The following STPG2 variants were observed in gnomAD, a reference collection of about 807,000 sequenced individuals.
STPG2 encodes sperm tail PG-rich repeat containing 2, also known as sperm-tail PG-rich repeat-containing protein 2.
In STPG2, 56 loss-of-function variants were observed where a neutral mutation model predicts 54.2. The ratio of observed to expected loss-of-function variants is 1.03; its 90% CI spans 0.83 to 1.29. The LOEUF is 1.29. Among genes scored for constraint, STPG2 ranks in the 50% most tolerant of loss-of-function variants. The pLI is 0.00. For missense variants in STPG2, 596 were observed against 544.9 expected, an observed-to-expected ratio of 1.09 and a Z score of -0.93; for synonymous variants, 200 against 181.8, an observed-to-expected ratio of 1.10 and a Z score of -0.81.
At position 98,114,759 on chromosome 4, in the gene STPG2, T is replaced by G. The variant is rs1416024258; in HGVS notation, c.388-5454A>C. Among the ~76,000 whole-genome samples the G allele has an allele frequency of 9.9e-3, 667 of 67,562 alleles. 18 individuals are homozygous for G. Among genetic ancestry groups the G allele is most frequent in the East Asian group, 0.067 (233 of 3,458 alleles). 44.3% of individuals were successfully genotyped at this position (67,562 alleles called of 152,430 possible). On this transcript the variant is annotated intron_variant, in intron 3 of 10. Coordinates refer to ENST00000295268, the MANE Select transcript of STPG2 (RefSeq NM_174952.3). ...AGACCCCACAATAATATCCATTTTT[T>G]TTTTTTTGTGTGTGTGTGTGTGTGT...
intron 10 of STPG2, among the ~76,000 whole-genome samples, chr4:97,615,420 A>C (rs532557686): frequency 6.6e-6 from 1 of 152,172 alleles, no homozygotes; most frequent in South Asian, 2.1e-4. Context: ...TTTTTCATTT[A>C]CTAATCTTTC....
chr4:97,680,001 C>A (rs1215705534), intron 10 of STPG2, among the ~76,000 whole-genome samples: 1 of 152,034 alleles, frequency 6.6e-6, no homozygotes, highest in Non-Finnish European at 1.5e-5. Context: ...TGTTTTGGTA[C>A]CAGTGCCATG....
intron 2 of STPG2, 31 bp from the exon 3 acceptor site, chr4:98,128,623 C>A: frequency 2.7e-6 from 4 of 1,495,452 alleles, no homozygotes; most frequent in South Asian, 1.4e-5. Flanking sequence ...ATTATTTATT[C>A]CAAGGCAAGA....
At chr4:97,715,163 C>T (rs1724248012) in intron 9 of STPG2, among the ~76,000 whole-genome samples, 1 of 152,164 alleles carries the variant, frequency 6.6e-6, no homozygotes, top group Non-Finnish European at 1.5e-5. Context: ...TCTTGAAATA[C>T]ATTTTCAATT....
chr4:98,013,415 G>C (rs1735820999), intron 5 of STPG2, among the ~76,000 whole-genome samples: 1 of 151,888 alleles, frequency 6.6e-6, no homozygotes, highest in Admixed American at 6.6e-5. Context: ...TTTCTTTTTT[G>C]TTGTGTCTCC....
intron 5 of STPG2, among the ~76,000 whole-genome samples, chr4:98,079,688 G>A (rs11722272): frequency 0.4 from 60,118 of 151,532 alleles, 12,144 homozygotes; most frequent in Middle Eastern, 0.46. Flanking sequence ...CCACTGACTG[G>A]CCCACAAGAT....
intron 9 of STPG2, among the ~76,000 whole-genome samples, chr4:97,790,545 A>G (rs1024432482): frequency 2.0e-5 from 3 of 152,260 alleles, no homozygotes; most frequent in African/African-American, 7.2e-5. Context: ...ATGAAGACAT[A>G]GGAGCCCTAA....
At chr4:97,798,185 A>G (rs143274523) in intron 9 of STPG2, among the ~76,000 whole-genome samples, 4,773 of 151,790 alleles carry the variant, frequency 0.031, 170 homozygotes, top group African/African-American at 0.084. Flanking sequence ...TATCTCTTTC[A>G]GTTCTTCTCT....
intron 5 of STPG2, among the ~76,000 whole-genome samples, chr4:98,093,808 A>C (rs531556159): frequency 6.6e-6 from 1 of 152,334 alleles, no homozygotes; most frequent in Admixed American, 6.5e-5. Flanking sequence ...AGAGTGGAGA[A>C]TAAAGCCATG....
chr4:97,448,733 C>T (rs1050551007), intron 4 of STPG2, among the ~76,000 whole-genome samples: 2 of 152,080 alleles, frequency 1.3e-5, no homozygotes, highest in African/African-American at 2.4e-5. Flanking sequence ...CGAACTGATA[C>T]ACTCACCATT....
chr4:97,967,003 A>G (rs1207819325), intron 7 of STPG2, among the ~76,000 whole-genome samples: 1 of 152,162 alleles, frequency 6.6e-6, no homozygotes, highest in Admixed American at 6.5e-5. Flanking sequence ...AAATTCACAC[A>G]TAACCATAGT....
chr4:97,892,808 A>T (rs1158066704), intron 8 of STPG2, among the ~76,000 whole-genome samples: 2 of 152,226 alleles, frequency 1.3e-5, no homozygotes, highest in South Asian at 2.1e-4. Context: ...CCCCTAAGGC[A>T]CTAGCAGCTG....
chr4:97,529,341 C>A (rs916288891), intron 4 of STPG2, among the ~76,000 whole-genome samples: 2 of 152,126 alleles, frequency 1.3e-5, no homozygotes, highest in Non-Finnish European at 2.9e-5. Context: ...CTGATTTAAT[C>A]ATGGTGGATA....
intron 3 of STPG2, among the ~76,000 whole-genome samples, chr4:98,110,736 G>A (rs999235293): frequency 3.3e-5 from 5 of 151,868 alleles, no homozygotes; most frequent in African/African-American, 9.7e-5. Context: ...TATGCCCCTC[G>A]ATTGAATTCT....
At chr4:97,932,789 C>A (rs1258208120) in intron 8 of STPG2, among the ~76,000 whole-genome samples, 2 of 152,062 alleles carry the variant, frequency 1.3e-5, no homozygotes, top group African/African-American at 2.4e-5. Context: ...GGGTTGATTC[C>A]ATGTCTTTGC....
downstream of STPG2, among the ~76,000 whole-genome samples, chr4:97,556,767 AG>A: frequency 6.6e-6 from 1 of 152,358 alleles, no homozygotes; most frequent in African/African-American, 2.4e-5. Context: ...TAAAATTAAA[AG>A]TCTCTCCTTG....
intron 4 of STPG2, among the ~76,000 whole-genome samples, chr4:97,504,353 T>C (rs1457788907): frequency 1.3e-5 from 2 of 151,450 alleles, no homozygotes; most frequent in African/African-American, 4.8e-5. Flanking sequence ...CTATAGTTTA[T>C]AGTCTACTCA....
chr4:97,907,280 G>C (rs1045297886), intron 8 of STPG2, among the ~76,000 whole-genome samples: 2 of 151,524 alleles, frequency 1.3e-5, no homozygotes, highest in Non-Finnish European at 3.0e-5. Context: ...GCTTCCAAGA[G>C]AATAAAATAC....
rs552766255 is a variant in STPG2 at position 98,019,245 on chromosome 4, A to G, written c.613-37927T>C. 4.7e-3 allele frequency among the ~76,000 whole-genome samples: 715 copies of G among 152,136 alleles called. 5 individuals carry two copies. The highest frequency in any genetic ancestry group is 7.3e-3 in the Non-Finnish European group (494 of 67,934). ...TTCAGCTTTCTACATATGGCTAGCC[A>G]GGTGCCAGCACCATTTATTAAATAG... On this transcript the variant is annotated intron_variant, in intron 5 of 10. Transcript: ENST00000295268.
Sources: gnomAD v4.1 joint callset for allele counts (sites outside exome capture counted in the v4.1 genomes callset) on GRCh38, gnomAD v4.1.1 for gene constraint, MANE v1.5 for transcripts, NCBI Gene and HGNC (gene_info 2026-07-23, HGNC 2026-07-21) for gene names.